Variants in NECAB1 observed in about 807,000 individuals in gnomAD.
The protein encoded by NECAB1 is N-terminal EF-hand calcium-binding protein 1.
Under a neutral mutation model 57.5 loss-of-function variants are expected in NECAB1, and 29 were observed. The observed-to-expected ratio is 0.50, with a 90% CI of 0.38 to 0.69. The LOEUF is 0.69. Among genes scored for constraint, NECAB1 ranks in the 30% least tolerant of loss-of-function variants. The probability of loss-of-function intolerance (pLI) is 0.00; values close to 1 mark genes in which losing one functional copy is unlikely to be tolerated. For synonymous variants in NECAB1, 142 were observed against 147.7 expected (o/e 0.96, Z 0.28); for missense variants, 372 against 413.8 (o/e 0.90, Z 0.88).
intron 6 of NECAB1, among the ~76,000 whole-genome samples, 161 bp downstream of exon 6, chr8:90,917,789 C>T (rs1404981967): frequency 2.9e-5 from 4 of 137,044 alleles, no homozygotes; most frequent in Non-Finnish European, 4.6e-5. Context: ...TTATTATTTG[C>T]CTCTAAAAAG....
chr8:90,845,501 G>T (rs1325186749), intron 3 of NECAB1, among the ~76,000 whole-genome samples: 1 of 151,994 alleles, frequency 6.6e-6, no homozygotes, highest in South Asian at 2.1e-4. Context: ...TTTTGCAGAG[G>T]TTTTAATCTT....
intron 3 of NECAB1, among the ~76,000 whole-genome samples, chr8:90,834,604 T>A (rs1160851005): frequency 6.6e-6 from 1 of 152,194 alleles, no homozygotes; most frequent in African/African-American, 2.4e-5. Flanking sequence ...TTTCTGTTGC[T>A]TATAAATTAC....
At chr8:90,885,777 C>T (rs1037815534) in intron 5 of NECAB1, among the ~76,000 whole-genome samples, 1 of 152,078 alleles carries the variant, frequency 6.6e-6, no homozygotes, top group African/African-American at 2.4e-5. Context: ...TGACACAAAA[C>T]ATTTCTGGTA....
At chr8:90,806,622 C>T (rs1464527606) in intron 2 of NECAB1, 1 of 152,134 alleles carries the variant, frequency 6.6e-6, no homozygotes, top group South Asian at 2.1e-4. Flanking sequence ...AGAGCAGTGG[C>T]GAGAACATAG....
chr8:90,803,148 C>T (rs761457764), intron 2 of NECAB1, among the ~76,000 whole-genome samples: 1 of 152,196 alleles, frequency 6.6e-6, no homozygotes. Flanking sequence ...CCACCCTCTT[C>T]GGCCTCCCAA....
intron 8 of NECAB1, among the ~76,000 whole-genome samples, chr8:90,931,853 G>A (rs879755427): frequency 2.6e-5 from 4 of 151,974 alleles, no homozygotes; most frequent in East Asian, 1.9e-4. Context: ...GCAGTGAGCC[G>A]AGATCGTGCC....
chr8:90,930,404 G>A (rs1810377654), intron 8 of NECAB1, among the ~76,000 whole-genome samples: 1 of 152,140 alleles, frequency 6.6e-6, no homozygotes, highest in African/African-American at 2.4e-5. Context: ...GAATTTGTGA[G>A]GTAAGGTGAG....
Position 90,940,854 on chromosome 8 carries a change from G to C in NECAB1, c.816G>C (p.Leu272=), listed in dbSNP as rs769784128. 1 of 1,562,902 alleles carries C rather than the reference G, an allele frequency of 6.4e-7. No homozygotes were observed. The highest frequency in any genetic ancestry group is 1.2e-5 in the South Asian group (1 of 84,574). Residue 272 remains leucine (L), a synonymous_variant, in exon 10 of 13, where the codon CTG becomes CTC. Transcript: ENST00000417640. ...ACCTGGAAGAATTCCAGCTCGCTCT[G>C]AAACACTACGTGGAGAGTGCTTCCT... ...EEDLEEFQLA[L]KHYVESASSQ...
chr8:90,804,874 G>T (rs926161776), intron 2 of NECAB1, among the ~76,000 whole-genome samples: 1 of 152,166 alleles, frequency 6.6e-6, no homozygotes, highest in Non-Finnish European at 1.5e-5. Flanking sequence ...ACCATGTCAT[G>T]TGGTAATTAT....
At chr8:90,870,821 C>T (rs892051494) in intron 3 of NECAB1, among the ~76,000 whole-genome samples, 7 of 152,142 alleles carry the variant, frequency 4.6e-5, no homozygotes, top group Admixed American at 2.6e-4. Flanking sequence ...ATGCCTGGCA[C>T]ATAGCAATAA....
intron 5 of NECAB1, among the ~76,000 whole-genome samples, chr8:90,885,192 T>C (rs532966949): frequency 1.3e-5 from 2 of 152,280 alleles, no homozygotes; most frequent in East Asian, 3.9e-4. Flanking sequence ...CACAGTGGCG[T>C]AGATGAGTAG....
chr8:90,927,636 C>T (rs1047314777), intron 7 of NECAB1, among the ~76,000 whole-genome samples: 1 of 151,202 alleles, frequency 6.6e-6, no homozygotes, highest in African/African-American at 2.4e-5. Context: ...CACACACACA[C>T]ACACACTACA....
At chr8:90,929,010 G>T (rs1335073455) in intron 8 of NECAB1, among the ~76,000 whole-genome samples, 2 of 152,150 alleles carry the variant, frequency 1.3e-5, no homozygotes, top group East Asian at 3.9e-4. Flanking sequence ...CACCAAGGGA[G>T]AAACATTTAT....
At chr8:90,850,265 CTGA>C (rs1341654075) in intron 3 of NECAB1, among the ~76,000 whole-genome samples, 3 of 152,184 alleles carry the variant, frequency 2.0e-5, no homozygotes, top group Non-Finnish European at 4.4e-5. Flanking sequence ...TTTAACACGA[CTGA>C]TGAAGTTGCT....
intron 5 of NECAB1, among the ~76,000 whole-genome samples, chr8:90,881,647 A>C (rs1262581565): frequency 6.6e-6 from 1 of 152,198 alleles, no homozygotes; most frequent in African/African-American, 2.4e-5. Flanking sequence ...ACCATGATTG[A>C]AAGCTCCCTG....
intron 2 of NECAB1, among the ~76,000 whole-genome samples, chr8:90,805,131 T>C (rs946528993): frequency 6.6e-6 from 1 of 152,140 alleles, no homozygotes; most frequent in African/African-American, 2.4e-5. Context: ...TATGGAGTAT[T>C]TGAAAGGGAA....
intron 10 of NECAB1, among the ~76,000 whole-genome samples, chr8:90,949,146 T>TTGTGTGTGTG (rs59311652): frequency 1.1e-3 from 147 of 129,968 alleles, no homozygotes; most frequent in Middle Eastern, 3.8e-3. Flanking sequence ...AACAGGCACT[T>TTGTGTGTGTG]TGTGTGTGTG....
intron 2 of NECAB1, among the ~76,000 whole-genome samples, chr8:90,805,467 C>T (rs967778361): frequency 6.6e-5 from 10 of 150,798 alleles, no homozygotes; most frequent in African/African-American, 1.7e-4. Flanking sequence ...TACACATTAA[C>T]GATTAGCTAT....
chr8:90,797,094 T>C (rs1392144051), intron 1 of NECAB1, among the ~76,000 whole-genome samples: 1 of 152,206 alleles, frequency 6.6e-6, no homozygotes, highest in African/African-American at 2.4e-5. Context: ...GGCTCCATGG[T>C]TGCAGAGGAC....
Sources: gnomAD v4.1 joint callset for allele counts (sites outside exome capture counted in the v4.1 genomes callset) on GRCh38, gnomAD v4.1.1 for gene constraint, MANE v1.5 for transcripts, NCBI Gene and HGNC (gene_info 2026-07-23, HGNC 2026-07-21) for gene names.